Variants in GAK observed in about 807,000 individuals in gnomAD.
GAK encodes the protein cyclin-G-associated kinase.
Under a neutral mutation model 143.9 loss-of-function variants are expected in GAK, and 79 were observed. The observed-to-expected ratio is 0.55, with a 90% CI of 0.46 to 0.66. The LOEUF (loss-of-function observed/expected upper bound fraction) is 0.66. Among genes scored for constraint, GAK ranks in the 30% least tolerant of loss-of-function variants. The probability of loss-of-function intolerance (pLI) is 0.00; values close to 1 mark genes in which losing one functional copy is unlikely to be tolerated. For synonymous variants in GAK, 881 were observed against 765.5 expected (o/e 1.15, Z -2.49); for missense variants, 1,693 against 1,779.7 (o/e 0.95, Z 0.88).
chr4:870,809 C>G lies in GAK; in HGVS notation c.2150G>C (p.Arg717Pro), dbSNP rs199633903. Reference protein sequence around the residue: ...VEVEPRDRPSREAPPWENSSM... With the variant: ...VEVEPRDRPSPEAPPWENSSM... ...CGAGTTCTCCCATGGTGGGGCTTCC[C>G]GGCTCGGCCTGTCCCTGGGCTCCAC... is the stretch of plus-strand genomic sequence containing the variant. The change falls in exon 19 of 28, where the codon CGG becomes CCG. Residue 717 changes from arginine to proline, a missense_variant. Arg to Pro is a moderately radical substitution (Grantham distance 103). Coordinates refer to ENST00000314167, the MANE Select transcript of GAK (RefSeq NM_005255.4). 2 of 1,613,958 alleles carry G rather than the reference C, an allele frequency of 1.2e-6. No homozygotes were observed. The highest frequency in any genetic ancestry group is 8.5e-7 in the Non-Finnish European group (1 of 1,180,018).
chr4:863,651 C>T (rs913343147), intron 23 of GAK, among the ~76,000 whole-genome samples: 23 of 152,204 alleles, frequency 1.5e-4, no homozygotes, highest in African/African-American at 5.3e-4. Context: ...AGATCAGGAT[C>T]GTTAGCATTT....
chr4:920,836 C>G (rs2152963662), intron 1 of GAK, among the ~76,000 whole-genome samples: 1 of 152,238 alleles, frequency 6.6e-6, no homozygotes, highest in East Asian at 1.9e-4. Context: ...GCCACCATGC[C>G]CGGCCCCAGA....
At chr4:922,179 T>A (rs1459665840) in intron 1 of GAK, among the ~76,000 whole-genome samples, 2 of 152,162 alleles carry the variant, frequency 1.3e-5, no homozygotes, top group African/African-American at 2.4e-5. Context: ...GGTGTCCTTA[T>A]AAGATGAAGA....
rs1560288287 is a variant in GAK at position 859,586 on chromosome 4, C to CA, written c.3283+19dup. The CA allele has an allele frequency of 6.3e-7, 1 of 1,590,714 alleles. No homozygotes were observed. Among genetic ancestry groups the CA allele is most frequent in the Admixed American group, 1.7e-5 (1 of 59,538 alleles). On this transcript the variant is annotated intron_variant, in intron 24 of 27. Transcript: ENST00000314167. The stretch of plus-strand genomic sequence containing the variant: ...TACAAGGAAACAGCTTCCACACCCC[C>CA]AAAGTGCCCTCCACGTTACCTTGGA...
chr4:877,486 A>C, intron 16 of GAK, 129 bp downstream of exon 16: 1 of 963,694 alleles, frequency 1.0e-6, no homozygotes, highest in Admixed American at 2.9e-5. Flanking sequence ...GACCTGCCAC[A>C]GACGCCACAG....
chr4:885,060 G>A (rs569047883), intron 11 of GAK, among the ~76,000 whole-genome samples: 10 of 151,854 alleles, frequency 6.6e-5, no homozygotes, highest in South Asian at 4.2e-4. Flanking sequence ...TAAACCCACC[G>A]AGCAGGTGCT....
At chr4:870,417 C>A (rs555701831) in intron 19 of GAK, among the ~76,000 whole-genome samples, 6 of 152,214 alleles carry the variant, frequency 3.9e-5, no homozygotes, top group Non-Finnish European at 8.8e-5. Flanking sequence ...CCCAGACACA[C>A]GCCTGGGACA....
chr4:882,776 T>C lies in GAK; in HGVS notation c.1448A>G (p.His483Arg). 6.2e-7 allele frequency: 1 copy of C among 1,611,494 alleles called. No individual in the cohort carries two copies. The highest frequency in any genetic ancestry group is 1.3e-5 in the African/African-American group (1 of 75,032). The change falls in exon 14 of 28, where the codon CAC becomes CGC. Residue 483 changes from histidine to arginine, a missense_variant. This residue lies in a region of GAK where 871 missense variants were observed against 991.0 expected (regional missense o/e 0.88). Coordinates refer to ENST00000314167, the MANE Select transcript of GAK (RefSeq NM_005255.4). ...GTTCCTGCAGATGTTGTACAGGGTGTGCAGGTGTGGGGCCCGCCGTGCTGC... is the reference window on the plus strand; with the variant it reads ...GTTCCTGCAGATGTTGTACAGGGTGCGCAGGTGTGGGGCCCGCCGTGCTGC... ...GWAARRAPHLHTLYNICRNMH... is the reference protein window; with the variant it reads ...GWAARRAPHLRTLYNICRNMH...
rs769360185 is a variant in GAK at position 877,125 on chromosome 4, C to T, written c.1939G>A (p.Ala647Thr). 14 of 1,613,728 alleles carry T rather than the reference C, an allele frequency of 8.7e-6. No individual in the cohort carries two copies. The African/African-American group carries it at 1.2e-4, about 14-fold the overall frequency. The change falls in exon 17 of 28, where the codon GCC becomes ACC. Residue 647 changes from alanine (A) to threonine (T), a missense_variant. This residue lies in a region of GAK where 871 missense variants were observed against 991.0 expected (regional missense o/e 0.88). Coordinates refer to ENST00000314167, the MANE Select transcript of GAK (RefSeq NM_005255.4). Reference sequence around the variant, plus strand: ...AGCCGGCCGCCCAGAGTGGACCGGGCGTGATAGATGACGATGAGCACGTCT... The same window carrying T: ...AGCCGGCCGCCCAGAGTGGACCGGGTGTGATAGATGACGATGAGCACGTCT... ...QGDVLIVIYH[A>T]RSTLGGRLQA... is the part of the protein sequence containing the mutation.
At chr4:912,596 G>T in intron 3 of GAK, 139 bp downstream of exon 3, 2 of 618,544 alleles carry the variant, frequency 3.2e-6, no homozygotes, top group Non-Finnish European at 5.6e-6. Context: ...AACTAGGTTT[G>T]GTAAAAGCAA....
intron 14 of GAK, 44 bp from the exon 15 acceptor site, chr4:882,084 A>G: frequency 6.4e-7 from 1 of 1,556,610 alleles, no homozygotes. Flanking sequence ...GCACTCATGC[A>G]GGACAAGGGC....
At chr4:860,246 G>C (rs1317869187) in intron 23 of GAK, among the ~76,000 whole-genome samples, 3 of 151,584 alleles carry the variant, frequency 2.0e-5, no homozygotes, top group Admixed American at 1.3e-4. Flanking sequence ...TACCCAGGGG[G>C]GCTGCGGTGG....
chr4:912,004 A>G, intron 3 of GAK: 1 of 512,024 alleles, frequency 2.0e-6, no homozygotes, highest in Non-Finnish European at 3.8e-6. Flanking sequence ...GGCGGGGACA[A>G]AGGCAGGCAC....
At chr4:870,942 C>T in intron 18 of GAK, 38 bp from the exon 19 acceptor site, 1 of 1,546,078 alleles carries the variant, frequency 6.5e-7, no homozygotes, top group Non-Finnish European at 8.8e-7. Context: ...GAAGGCCACC[C>T]AAGTAGTCTG....
chr4:888,852 G>A lies in GAK; in HGVS notation c.1200C>T (p.Val400=), dbSNP rs905123982. ...KDTSSKVIQS[V]ANYAKGDLDI... is the part of the protein sequence containing the mutation. ...CTCTGGAGCCTCACACTCACTTAGC[G>A]ACGGACTGGATGACCTTGGAGGAGG... is the stretch of plus-strand genomic sequence containing the variant. Residue 400 remains valine, a synonymous_variant, in exon 11 of 28, where the codon GTC becomes GTT. Transcript: ENST00000314167. The A allele has an allele frequency of 5.0e-6, 8 of 1,604,358 alleles. No homozygotes were observed. The highest frequency in any genetic ancestry group is 2.7e-5 in the African/African-American group (2 of 74,892).
intron 4 of GAK, among the ~76,000 whole-genome samples, chr4:909,616 C>A (rs1275782420): frequency 6.6e-6 from 1 of 151,968 alleles, no homozygotes; most frequent in African/African-American, 2.4e-5. Flanking sequence ...TTCTCAGGGG[C>A]ACAAACACCA....
rs8093 is a variant in GAK, at chr4:849,907, A to G, written c.3819T>C (p.Ala1273=). The G allele has an allele frequency of 0.7, 1,109,782 of 1,588,052 alleles. 388,490 individuals carry two copies. The highest frequency in any genetic ancestry group is 0.89 in the African/African-American group (65,508 of 73,842). The change falls in exon 27 of 28, where the codon GCT becomes GCC. Residue 1273 remains alanine (A), a synonymous_variant. Coordinates refer to ENST00000314167, the MANE Select transcript of GAK (RefSeq NM_005255.4). ...CTCTGCTCACCTTGTCGGGGTGCAC[A>G]GCCAGCACCGCGCGGCGATAGTGCT... The part of the protein sequence containing the change: ...VKKHYRRAVL[A]VHPDKAAGQP...
chr4:876,349 G>A (rs1211027358), intron 18 of GAK, among the ~76,000 whole-genome samples, 181 bp downstream of exon 18: 2 of 152,170 alleles, frequency 1.3e-5, no homozygotes, highest in Non-Finnish European at 2.9e-5. Flanking sequence ...CAGCCACCGG[G>A]TCCACCCCAG....
chr4:882,925 G>A (rs1361267807), intron 13 of GAK, 106 bp from the exon 14 acceptor site: 3 of 1,454,564 alleles, frequency 2.1e-6, no homozygotes, highest in South Asian at 2.5e-5. Context: ...CCGCCAGCTG[G>A]TGTCATGAAC....
Sources: allele counts gnomAD v4.1 joint callset (sites outside exome capture counted in the v4.1 genomes callset), GRCh38; gene constraint gnomAD v4.1.1; regional missense constraint gnomAD v4.1.1; transcripts MANE v1.5; gene names NCBI Gene and HGNC (gene_info 2026-07-23, HGNC 2026-07-21).